RTN1: variants seen among roughly 807,000 people sequenced by gnomAD.
RTN1 encodes reticulon-1.
RTN1 carries 25 observed loss-of-function variants against 65.5 expected under a neutral mutation model. The observed-to-expected ratio is 0.38, with a 90% CI of 0.28 to 0.53. The LOEUF (loss-of-function observed/expected upper bound fraction) is 0.53, where lower values mean the gene tolerates loss of function less well. RTN1 is among the 20% of genes least tolerant of loss of function. The pLI is 0.79. For missense variants in RTN1, 983 were observed against 1,025.4 expected, an observed-to-expected ratio of 0.96 and a Z score of 0.57; for synonymous variants, 471 against 447.6, an observed-to-expected ratio of 1.05 and a Z score of -0.66.
chr14:59,821,035 T>G (rs1566738221), intron 1 of RTN1, among the ~76,000 whole-genome samples: 1 of 152,232 alleles, frequency 6.6e-6, no homozygotes, highest in East Asian at 1.9e-4. Context: ...GTTTTTTTTC[T>G]AATTCTGTGA....
intron 3 of RTN1, among the ~76,000 whole-genome samples, chr14:59,649,889 C>G (rs1416844400): frequency 6.6e-6 from 1 of 152,134 alleles, no homozygotes; most frequent in Non-Finnish European, 1.5e-5. Flanking sequence ...ATCCAGCAAT[C>G]CCATTACTGG....
chr14:59,753,069 C>T (rs1197639904), intron 1 of RTN1, among the ~76,000 whole-genome samples: 1 of 152,174 alleles, frequency 6.6e-6, no homozygotes, highest in Non-Finnish European at 1.5e-5. Context: ...TTTGACACAA[C>T]TTCCTTTTTA....
intron 3 of RTN1, among the ~76,000 whole-genome samples, chr14:59,624,682 G>A (rs984669836): frequency 2.0e-5 from 3 of 152,030 alleles, no homozygotes; most frequent in East Asian, 1.9e-4. Context: ...GGCTGGTCTC[G>A]AACTCCTGAC....
At chr14:59,597,385 T>A (rs1021503215) in intron 8 of RTN1, among the ~76,000 whole-genome samples, 8 of 152,242 alleles carry the variant, frequency 5.3e-5, no homozygotes, top group Admixed American at 1.3e-4. Context: ...GGGCATAGAC[T>A]AGATATCTCC....
At position 59,672,706 on chromosome 14, in the gene RTN1, T is replaced by C. The variant is rs181452519; in HGVS notation, c.1765+54213A>G. Reference sequence around the variant, plus strand: ...CGGACTGCGGACTGCAGTGGCGCAATCTCGGCTCACTGCAAGCTCCGCTTC... The same window carrying C: ...CGGACTGCGGACTGCAGTGGCGCAACCTCGGCTCACTGCAAGCTCCGCTTC... On this transcript the variant is annotated intron_variant, in intron 3 of 8. Transcript: ENST00000267484. 3.4e-3 allele frequency among the ~76,000 whole-genome samples: 452 copies of C among 131,692 alleles called. 11 individuals are homozygous for C. In the East Asian group the frequency reaches 0.085, roughly 25 times the overall value. 86.4% of individuals were successfully genotyped at this position (131,692 alleles called of 152,430 possible).
intron 1 of RTN1, among the ~76,000 whole-genome samples, chr14:59,837,173 C>T (rs1015156452): frequency 2.6e-5 from 4 of 151,388 alleles, no homozygotes; most frequent in South Asian, 2.1e-4. Flanking sequence ...CAGACTTAAA[C>T]GAAAGCAAAT....
chr14:59,661,527 G>A (rs1883247814), intron 3 of RTN1, among the ~76,000 whole-genome samples: 1 of 152,134 alleles, frequency 6.6e-6, no homozygotes, highest in African/African-American at 2.4e-5. Flanking sequence ...ACCAAATCCA[G>A]CAGCACATCA....
At chr14:59,703,915 G>A (rs879605981) in intron 3 of RTN1, among the ~76,000 whole-genome samples, 3 of 152,152 alleles carry the variant, frequency 2.0e-5, no homozygotes, top group Non-Finnish European at 4.4e-5. Context: ...CCAGGCTGAG[G>A]CCTACTCATC....
chr14:59,600,570 G>A (rs1390269522), intron 8 of RTN1, among the ~76,000 whole-genome samples: 2 of 152,118 alleles, frequency 1.3e-5, no homozygotes, highest in African/African-American at 4.8e-5. Flanking sequence ...CAATTTCAGA[G>A]GTTGAAGAGG....
chr14:59,792,681 T>C lies in RTN1; in HGVS notation c.242-46200A>G, dbSNP rs191176934. On this transcript the variant is annotated intron_variant, in intron 1 of 8. Transcript: ENST00000267484. ...ATTTCATTGGAAATGCCAAGGTCTA[T>C]GTACTTTAACCCGGTCACACTTAAT... Among the ~76,000 whole-genome samples the C allele has an allele frequency of 1.7e-3, 259 of 152,304 alleles. 1 individual carries two copies. The highest frequency in any genetic ancestry group is 2.9e-3 in the Non-Finnish European group (194 of 68,020).
chr14:59,762,035 G>A (rs1324734993), intron 1 of RTN1, among the ~76,000 whole-genome samples: 3 of 152,204 alleles, frequency 2.0e-5, no homozygotes, highest in African/African-American at 4.8e-5. Flanking sequence ...ATGGCATGCC[G>A]TGGTGTGGCA....
chr14:59,602,032 A>G (rs1881594867), intron 8 of RTN1, among the ~76,000 whole-genome samples: 1 of 152,204 alleles, frequency 6.6e-6, no homozygotes. Flanking sequence ...ATAGAACCCT[A>G]TGAGTTCCTA....
intron 1 of RTN1, among the ~76,000 whole-genome samples, chr14:59,749,582 G>GATAGATATCTAT (rs1885371486): frequency 3.7e-5 from 1 of 26,790 alleles, no homozygotes; most frequent in East Asian, 1.2e-3. Context: ...TATATATATA[G>GATAGATATCTAT]ATATTTATAT....
intron 3 of RTN1, among the ~76,000 whole-genome samples, chr14:59,672,634 T>TTTTC (rs1431744550): frequency 2.7e-4 from 32 of 116,570 alleles, no homozygotes; most frequent in African/African-American, 1.4e-3. Context: ...TCTTTTTTTT[T>TTTTC]TTTTTTTTTT....
chr14:59,787,606 T>C (rs1353267957), intron 1 of RTN1, among the ~76,000 whole-genome samples: 2 of 152,184 alleles, frequency 1.3e-5, no homozygotes, highest in African/African-American at 4.8e-5. Context: ...GAAATGGCCA[T>C]GAATGTGATA....
chr14:59,771,379 G>A (rs946214897), intron 1 of RTN1, among the ~76,000 whole-genome samples: 1 of 152,200 alleles, frequency 6.6e-6, no homozygotes, highest in Non-Finnish European at 1.5e-5. Context: ...TGTGCAAGAA[G>A]TGCAGGTGTT....
intron 3 of RTN1, among the ~76,000 whole-genome samples, chr14:59,694,395 G>A (rs1023204631): frequency 3.3e-5 from 5 of 152,024 alleles, no homozygotes; most frequent in African/African-American, 1.2e-4. Context: ...AAGAATGGAG[G>A]GAAGAAATCA....
intron 1 of RTN1, 98 bp from the exon 2 acceptor site, chr14:59,746,579 C>G (rs1885232544): frequency 1.9e-6 from 2 of 1,045,098 alleles, no homozygotes; most frequent in African/African-American, 3.2e-5. Context: ...GAAGACATGA[C>G]ATCCTTTCTC....
At chr14:59,722,799 T>C (rs1219623910) in intron 3 of RTN1, among the ~76,000 whole-genome samples, 1 of 149,494 alleles carries the variant, frequency 6.7e-6, no homozygotes, top group Non-Finnish European at 1.5e-5. Flanking sequence ...CTTTTAACTT[T>C]TTTTTTTTTT....
Sources: gnomAD v4.1 joint callset for allele counts (sites outside exome capture counted in the v4.1 genomes callset) on GRCh38, gnomAD v4.1.1 for gene constraint, MANE v1.5 for transcripts, NCBI Gene and HGNC (gene_info 2026-07-23, HGNC 2026-07-21) for gene names.